TADA1: variants seen among roughly 807,000 people sequenced by gnomAD.
TADA1 encodes transcriptional adapter 1.
Under a neutral mutation model 39.3 loss-of-function variants are expected in TADA1, and 23 were observed. The ratio of observed to expected loss-of-function variants is 0.58; its 90% confidence interval spans 0.42 to 0.83. The LOEUF (loss-of-function observed/expected upper bound fraction) is 0.83, where lower values mean the gene tolerates loss of function less well. Ranked by LOEUF, TADA1 falls within the 40% of genes least tolerant of loss-of-function variation. The pLI, the probability that TADA1 is intolerant of heterozygous loss-of-function variation, is 0.00. For missense variants in TADA1, 352 were observed against 408.1 expected (o/e 0.86, Z 1.18); for synonymous variants, 137 against 151.8 (o/e 0.90, Z 0.72).
At chr1:166,862,106 T>A in intron 5 of TADA1, 97 bp downstream of exon 5, 1 of 1,157,514 alleles carries the variant, frequency 8.6e-7, no homozygotes. Flanking sequence ...GAAATCAGAG[T>A]GACATTTGGA....
intron 1 of TADA1, among the ~76,000 whole-genome samples, chr1:166,871,049 T>A (rs1658646939): frequency 6.6e-6 from 1 of 152,190 alleles, no homozygotes; most frequent in South Asian, 2.1e-4. Flanking sequence ...TCCCTTCAGA[T>A]AAACTCAACT....
In TADA1 at chr1:166,876,173, C is replaced by G. The variant is rs759451340; in HGVS notation, c.61G>C (p.Asp21His). The change falls in exon 1 of 8, where the codon GAC becomes CAC. Residue 21 changes from aspartate to histidine, a missense_variant. Transcript: ENST00000367874. ...AKKNLSEALG[D>H]NVKQYWANLK... The stretch of plus-strand genomic sequence containing the variant: ...GGCAGCTCTTACTGTTTCACGTTGT[C>G]CCCCAGGGCCTCGCTTAAGTTCTTC... 1.9e-6 allele frequency: 3 copies of G among 1,613,580 alleles called. No individual in the cohort carries two copies. The highest frequency in any genetic ancestry group is 3.3e-5 in the Admixed American group (2 of 59,964).
Position 166,873,835 on chromosome 1 carries a change from T to A in TADA1, c.74+2325A>T, listed in dbSNP as rs868585306. Among the ~76,000 whole-genome samples, 14 of 152,162 alleles carry A rather than the reference T, an allele frequency of 9.2e-5. No homozygotes were observed. In the Middle Eastern group the frequency reaches 0.02, roughly 222 times the overall value. On this transcript the variant is annotated intron_variant, in intron 1 of 7. Transcript: ENST00000367874. ...TCGGCTTTGGCCTTTAAAAACTAAA[T>A]AAGGAATGCTAACTTCAAAAACACT...
intron 1 of TADA1, among the ~76,000 whole-genome samples, chr1:166,874,275 G>C (rs906529555): frequency 6.6e-6 from 1 of 151,858 alleles, no homozygotes; most frequent in African/African-American, 2.4e-5. Context: ...AGGAGGTGGA[G>C]GCTGCAGTGA....
At chr1:166,857,909 A>AT (rs888187165) in intron 7 of TADA1, among the ~76,000 whole-genome samples, 190 bp from the exon 8 acceptor site, 4 of 152,182 alleles carry the variant, frequency 2.6e-5, no homozygotes, top group Admixed American at 6.5e-5. Flanking sequence ...AGAACAAGGG[A>AT]TTTTTTTTCT....
intron 1 of TADA1, among the ~76,000 whole-genome samples, chr1:166,873,226 G>A (rs572435474): frequency 5.6e-4 from 86 of 152,240 alleles, no homozygotes; most frequent in Middle Eastern, 3.4e-3. Flanking sequence ...AGCCGAGATC[G>A]CACCACTGCA....
chr1:166,872,200 G>A (rs1658674743), intron 1 of TADA1, among the ~76,000 whole-genome samples: 1 of 152,226 alleles, frequency 6.6e-6, no homozygotes, highest in African/African-American at 2.4e-5. Flanking sequence ...TGGAGGTGGA[G>A]CCTAATGGGA....
rs1392175401 is a variant in TADA1 at position 166,857,132 on chromosome 1, A to C, written c.*435T>G. ...TAGGTTATTTCAACCAAAATGCAAG[A>C]ACACATTCTTTAGGAGAAAGGCAGA... On this transcript the variant is annotated 3_prime_UTR_variant, in exon 8 of 8. Transcript: ENST00000367874. 6.4e-6 allele frequency: 1 copy of C among 157,440 alleles called. No individual in the cohort carries two copies. Among genetic ancestry groups the C allele is most frequent in the African/African-American group, 2.4e-5 (1 of 41,514 alleles). 9.8% of individuals were successfully genotyped at this position (157,440 alleles called of 1,614,324 possible). A position where few individuals can be genotyped will look rare whatever the true frequency, so the allele number is the denominator to read the frequency against.
At chr1:166,863,954 A>C (rs761015994) in intron 3 of TADA1, 33 bp from the exon 4 acceptor site, 2 of 1,543,230 alleles carry the variant, frequency 1.3e-6, no homozygotes, top group East Asian at 2.3e-5. Flanking sequence ...CATAAGTAAA[A>C]ATAATGACAA....
At chr1:166,865,683 G>A (rs1658514644) in intron 3 of TADA1, among the ~76,000 whole-genome samples, 1 of 151,918 alleles carries the variant, frequency 6.6e-6, no homozygotes, top group Non-Finnish European at 1.5e-5. Flanking sequence ...GCCGGGCGTG[G>A]TGGTGGGCAC....
Position 166,857,684 on chromosome 1 carries a change from A to G in TADA1, c.891T>C (p.Tyr297=). 3 of 1,614,224 alleles carry G rather than the reference A, an allele frequency of 1.9e-6. No individual in the cohort carries two copies. Among genetic ancestry groups the G allele is most frequent in the Non-Finnish European group, 2.5e-6 (3 of 1,180,032 alleles). ...TGATGATCCTTTCAATGTTAAGAGC[A>G]TAGACAGTATGTGTAGGGATGACTT... The part of the protein sequence containing the change: ...HREVIPTHTV[Y]ALNIERIITK... The change falls in exon 8 of 8, where the codon TAT becomes TAC. Residue 297 remains tyrosine (Y), a synonymous_variant. Transcript: ENST00000367874.
At chr1:166,868,326 AAT>A (rs1658579423) in intron 3 of TADA1, among the ~76,000 whole-genome samples, 1 of 152,212 alleles carries the variant, frequency 6.6e-6, no homozygotes, top group South Asian at 2.1e-4. Flanking sequence ...GTTATCTACC[AAT>A]AATCTGTGAA....
At chr1:166,865,096 TAAAA>T (rs11454141) in intron 3 of TADA1, among the ~76,000 whole-genome samples, 2 of 150,264 alleles carry the variant, frequency 1.3e-5, no homozygotes, top group Non-Finnish European at 3.0e-5. Flanking sequence ...AAAATAAAAA[TAAAA>T]AAAAAGAGGT....
chr1:166,863,260 T>A (rs1432268749), intron 4 of TADA1: 3 of 153,038 alleles, frequency 2.0e-5, no homozygotes, highest in Non-Finnish European at 4.4e-5. Flanking sequence ...ATAGTCAAGG[T>A]GAAAATAAAT....
chr1:166,862,198 C>A lies in TADA1; in HGVS notation c.540+5G>T. The A allele has an allele frequency of 6.2e-7, 1 of 1,612,920 alleles. No individual in the cohort carries two copies. The highest frequency in any genetic ancestry group is 1.3e-5 in the African/African-American group (1 of 75,006). On this transcript the variant is annotated splice_donor_5th_base_variant and intron_variant, in intron 5 of 7. Coordinates refer to ENST00000367874, the MANE Select transcript of TADA1 (RefSeq NM_053053.4). Reference sequence around the variant, plus strand: ...TAAGATTATTTCTGCCAACAGCAAACCAACCTCCACAGCATAGACAACAGC... The same window carrying A: ...TAAGATTATTTCTGCCAACAGCAAAACAACCTCCACAGCATAGACAACAGC...
At chr1:166,868,402 G>A (rs1658581495) in intron 3 of TADA1, among the ~76,000 whole-genome samples, 2 of 152,068 alleles carry the variant, frequency 1.3e-5, no homozygotes, top group Non-Finnish European at 2.9e-5. Flanking sequence ...GGAAGTCCAG[G>A]TTCCCAACAT....
chr1:166,876,077 G>C, intron 1 of TADA1, 83 bp downstream of exon 1: 1 of 1,359,836 alleles, frequency 7.4e-7, no homozygotes, highest in Non-Finnish European at 9.9e-7. Flanking sequence ...GGGCGACGCG[G>C]GCGTCTCCGG....
chr1:166,865,743 T>C (rs1658516640), intron 3 of TADA1, among the ~76,000 whole-genome samples: 2 of 151,348 alleles, frequency 1.3e-5, no homozygotes, highest in Admixed American at 1.3e-4. Context: ...GGCGTGAACC[T>C]GGGAGGCGGA....
chr1:166,864,099 C>T (rs1450254489), intron 3 of TADA1, among the ~76,000 whole-genome samples, 178 bp from the exon 4 acceptor site: 4 of 152,196 alleles, frequency 2.6e-5, no homozygotes, highest in African/African-American at 9.7e-5. Flanking sequence ...CCTCTCAAAT[C>T]ACATTTTTTT....
Sources: allele counts gnomAD v4.1 joint callset (sites outside exome capture counted in the v4.1 genomes callset), GRCh38; gene constraint gnomAD v4.1.1; transcripts MANE v1.5; gene names NCBI Gene and HGNC (gene_info 2026-07-23, HGNC 2026-07-21).